The following CACNA1C variants were observed in gnomAD, a reference collection of about 807,000 sequenced individuals.
CACNA1C encodes the protein voltage-dependent L-type calcium channel subunit alpha-1C.
CACNA1C carries 30 observed loss-of-function variants against 229.0 expected under a neutral mutation model. The observed-to-expected ratio is 0.13, with a 90% CI of 0.10 to 0.18. CACNA1C has a LOEUF of 0.18. Ranked by LOEUF, CACNA1C falls within the 10% of genes least tolerant of loss-of-function variation. The pLI is 1.00. For missense variants in CACNA1C, 1,658 were observed against 2,845.0 expected, an observed-to-expected ratio of 0.58 and a Z score of 9.49; for synonymous variants, 1,114 against 1,132.5, an observed-to-expected ratio of 0.98 and a Z score of 0.33.
intron 3 of CACNA1C, among the ~76,000 whole-genome samples, chr12:2,439,036 C>A (rs1011369517): frequency 6.6e-6 from 1 of 152,224 alleles, no homozygotes; most frequent in Non-Finnish European, 1.5e-5. Context: ...CCTCTCCACT[C>A]CATTGCCCCC....
At chr12:2,018,358 A>G (rs540452343) in intron 1 of CACNA1C, 6 of 152,374 alleles carry the variant, frequency 3.9e-5, no homozygotes, top group East Asian at 3.9e-4. Flanking sequence ...TGTTTCTAAT[A>G]TAATTTATTT....
rs895095277 is a variant in CACNA1C, at chr12:2,043,801, G to A, written c.140-71423G>A. 5.2e-4 allele frequency among the ~76,000 whole-genome samples: 70 copies of A among 134,908 alleles called. 7 individuals are homozygous for A. The highest frequency in any genetic ancestry group is 1.9e-3 in the African/African-American group (63 of 32,904). 88.5% of individuals were successfully genotyped at this position (134,908 alleles called of 152,430 possible). On this transcript the variant is annotated intron_variant, in intron 1 of 46. Coordinates refer to the CACNA1C transcript ENST00000682462. ...CTCCCCAGTAGCTGGGACTACAGGC[G>A]CCCGCCATTGCGCCCGGCTAATTTT...
At chr12:2,434,458 G>A (rs2099115277) in intron 3 of CACNA1C, among the ~76,000 whole-genome samples, 1 of 152,162 alleles carries the variant, frequency 6.6e-6, no homozygotes, top group Non-Finnish European at 1.5e-5. Flanking sequence ...TGGAGACACA[G>A]GAAGGTTAAA....
intron 3 of CACNA1C, among the ~76,000 whole-genome samples, chr12:2,267,338 T>C (rs1321566733): frequency 6.6e-6 from 1 of 152,158 alleles, no homozygotes; most frequent in African/African-American, 2.4e-5. Context: ...TAAAAATGAC[T>C]AAACTGAGGT....
At chr12:2,266,515 T>C (rs559930867) in intron 3 of CACNA1C, among the ~76,000 whole-genome samples, 2 of 152,226 alleles carry the variant, frequency 1.3e-5, no homozygotes, top group Non-Finnish European at 2.9e-5. Flanking sequence ...CATGATGTGC[T>C]TGCACTCCTG....
At chr12:1,991,398 G>A in intron 1 of CACNA1C, 29 of 238,988 alleles carry the variant, frequency 1.2e-4, no homozygotes, top group South Asian at 3.7e-4. Flanking sequence ...AAATATGAGG[G>A]GAACCACGAA....
At chr12:2,114,842 G>A (rs1050530532) in intron 1 of CACNA1C, among the ~76,000 whole-genome samples, 1 of 152,014 alleles carries the variant, frequency 6.6e-6, no homozygotes, top group Non-Finnish European at 1.5e-5. Flanking sequence ...CATTCTATTC[G>A]ATTTCATGAA....
At chr12:2,447,090 G>GAC (rs754000314) in intron 3 of CACNA1C, among the ~76,000 whole-genome samples, 22 of 152,142 alleles carry the variant, frequency 1.4e-4, no homozygotes, top group Non-Finnish European at 2.6e-4. Context: ...TGGGGATAAG[G>GAC]AGATGGGCTA....
chr12:2,340,319 A>G (rs2096826484), intron 3 of CACNA1C, among the ~76,000 whole-genome samples: 1 of 152,280 alleles, frequency 6.6e-6, no homozygotes. Flanking sequence ...AAGGCACTTA[A>G]GAAAGCCTGT....
rs763200806 is a variant in CACNA1C, at chr12:2,504,824, A to G, written c.1114-18A>G. The G allele has an allele frequency of 6.3e-6, 9 of 1,427,982 alleles. No individual in the cohort carries two copies. The highest frequency in any genetic ancestry group is 8.9e-6 in the Non-Finnish European group (9 of 1,011,544). 88.5% of individuals were successfully genotyped at this position (1,427,982 alleles called of 1,614,324 possible). The stretch of plus-strand genomic sequence containing the variant: ...GGTTGCTGAGTGTGCCTCACTAACT[A>G]TCATTCCGTTCTTCCAGGTCAATGA... On this transcript the variant is annotated intron_variant, in intron 7 of 46. Coordinates refer to ENST00000399655, the MANE Select transcript of CACNA1C (RefSeq NM_000719.7). This position sits in a 1 kb window ranked among gnomAD's most constrained non-coding sequence, Gnocchi z 6.8.
intron 3 of CACNA1C, among the ~76,000 whole-genome samples, chr12:2,373,287 G>A (rs553033363): frequency 8.5e-5 from 13 of 152,232 alleles, no homozygotes; most frequent in African/African-American, 2.2e-4. Context: ...GGCAGGCTCC[G>A]TTCTAGACCC....
At chr12:2,584,410 A>G (rs1231170252) in intron 15 of CACNA1C, 93 bp from the exon 16 acceptor site, 2 of 806,466 alleles carry the variant, frequency 2.5e-6, no homozygotes, top group Non-Finnish European at 4.2e-6. Context: ...TCTGCTGAGG[A>G]GCTCTACCCT....
chr12:2,307,229 A>C (rs1281478669), intron 3 of CACNA1C, among the ~76,000 whole-genome samples: 1 of 152,238 alleles, frequency 6.6e-6, no homozygotes, highest in Non-Finnish European at 1.5e-5. Context: ...TCTGGGATCC[A>C]GTAGGGCTTC....
At chr12:2,377,089 C>T (rs143851748) in intron 3 of CACNA1C, among the ~76,000 whole-genome samples, 164 of 152,136 alleles carry the variant, frequency 1.1e-3, no homozygotes, top group Admixed American at 1.6e-3. Flanking sequence ...CCCCAGCTGG[C>T]GTGGTATTTG....
chr12:2,000,766 G>A (rs2042002613), intron 1 of CACNA1C, among the ~76,000 whole-genome samples: 1 of 152,228 alleles, frequency 6.6e-6, no homozygotes, highest in African/African-American at 2.4e-5. Context: ...GCCGGGCACA[G>A]GGGCTCACGC....
chr12:2,578,217 G>A (rs1262892318), intron 13 of CACNA1C, among the ~76,000 whole-genome samples: 1 of 152,200 alleles, frequency 6.6e-6, no homozygotes, highest in South Asian at 2.1e-4. Context: ...GTGGCCAGGG[G>A]AGATGTGAGG....
intron 3 of CACNA1C, among the ~76,000 whole-genome samples, chr12:2,276,684 G>A (rs2088261002): frequency 6.6e-6 from 1 of 152,198 alleles, no homozygotes; most frequent in Admixed American, 6.5e-5. Context: ...CAGAGTAATT[G>A]AGATCAGAGA....
At chr12:2,557,037 CTGTT>C in intron 11 of CACNA1C, 60 bp downstream of exon 11, 6 of 1,471,166 alleles carry the variant, frequency 4.1e-6, no homozygotes, top group Non-Finnish European at 4.8e-6. Flanking sequence ...TTCAGCCACC[CTGTT>C]GGGTGGCCCA....
At chr12:2,581,523 G>A in intron 13 of CACNA1C, 67 bp from the exon 14 acceptor site, 1 of 1,414,902 alleles carries the variant, frequency 7.1e-7, no homozygotes. Context: ...GGGCAGTTGT[G>A]AGAATGAGGC....
Sources: gnomAD v4.1 joint callset for allele counts (sites outside exome capture counted in the v4.1 genomes callset) on GRCh38, gnomAD v4.1.1 for gene constraint, Gnocchi (gnomAD v3.1) non-coding constraint, MANE v1.5 for transcripts, NCBI Gene and HGNC (gene_info 2026-07-23, HGNC 2026-07-21) for gene names.